Variants in RPS6KC1 observed in about 807,000 individuals in gnomAD.
RPS6KC1 encodes the protein ribosomal protein S6 kinase C1.
In RPS6KC1, 54 loss-of-function variants were observed where a neutral mutation model predicts 103.8. The observed-to-expected ratio is 0.52, with a 90% CI of 0.42 to 0.65. The LOEUF is 0.65. Among genes scored for constraint, RPS6KC1 ranks in the 30% least tolerant of loss-of-function variants. The pLI, the probability that RPS6KC1 is intolerant of heterozygous loss-of-function variation, is 0.00. For synonymous variants in RPS6KC1, 439 were observed against 438.7 expected, an observed-to-expected ratio of 1.00 and a Z score of -0.01; for missense variants, 1,151 against 1,253.8, an observed-to-expected ratio of 0.92 and a Z score of 1.24.
At chr1:213,271,100 AAT>A (rs2095037483) in intron 14 of RPS6KC1, among the ~76,000 whole-genome samples, 1 of 152,232 alleles carries the variant, frequency 6.6e-6, no homozygotes, top group African/African-American at 2.4e-5. Context: ...GAAAAATGAA[AAT>A]ATATGTCTAC....
the RPS6KC1 span, among the ~76,000 whole-genome samples, chr1:213,660,760 T>C: frequency 2.0e-5 from 3 of 152,334 alleles, no homozygotes; most frequent in South Asian, 2.1e-4. Context: ...TGCCCAAAAA[T>C]GGCAGAGTAG....
Position 213,153,409 on chromosome 1 carries a change from A to G in RPS6KC1, c.836-14449A>G, listed in dbSNP as rs115979330. Among the ~76,000 whole-genome samples, 794 of 152,256 alleles carry G rather than the reference A, an allele frequency of 5.2e-3. 5 individuals are homozygous for G. Among genetic ancestry groups the G allele is most frequent in the African/African-American group, 0.018 (749 of 41,546 alleles). Reference sequence around the variant, plus strand: ...TTGCAAATATATCTTGTAACCCATTATTTTAACTTGATAACAACTTAACAC... The same window carrying G: ...TTGCAAATATATCTTGTAACCCATTGTTTTAACTTGATAACAACTTAACAC... On this transcript the variant is annotated intron_variant, in intron 6 of 14. Coordinates refer to ENST00000366960, the MANE Select transcript of RPS6KC1 (RefSeq NM_012424.6).
chr1:213,542,918 CA>C, the RPS6KC1 span, among the ~76,000 whole-genome samples: 5 of 152,144 alleles, frequency 3.3e-5, no homozygotes, highest in Non-Finnish European at 7.3e-5. Flanking sequence ...GAGGGCCACG[CA>C]AACCAGCCCT....
At chr1:213,862,262 A>G in the RPS6KC1 span, among the ~76,000 whole-genome samples, 1 of 152,140 alleles carries the variant, frequency 6.6e-6, no homozygotes, top group African/African-American at 2.4e-5. Flanking sequence ...TCCTTTTAGG[A>G]AATCAAATTT....
At chr1:213,789,109 C>T in the RPS6KC1 span, among the ~76,000 whole-genome samples, 1 of 152,056 alleles carries the variant, frequency 6.6e-6, no homozygotes, top group African/African-American at 2.4e-5. Flanking sequence ...AAAATGATGA[C>T]CAAGAGTGGA....
chr1:213,110,107 A>G (rs1227891629), intron 4 of RPS6KC1, among the ~76,000 whole-genome samples: 1 of 152,088 alleles, frequency 6.6e-6, no homozygotes, highest in African/African-American at 2.4e-5. Flanking sequence ...TTTATGAGTC[A>G]TAGTCCTTTT....
intron 8 of RPS6KC1, among the ~76,000 whole-genome samples, chr1:213,202,112 T>C (rs563900709): frequency 1.6e-4 from 24 of 152,338 alleles, no homozygotes; most frequent in African/African-American, 5.5e-4. Flanking sequence ...ATAAACACAC[T>C]AAGTTACAGA....
At chr1:213,742,823 G>C in the RPS6KC1 span, among the ~76,000 whole-genome samples, 2 of 152,216 alleles carry the variant, frequency 1.3e-5, no homozygotes, top group African/African-American at 4.8e-5. Context: ...GAGAAATGAG[G>C]ATTCTCCATG....
chr1:213,275,415 T>C (rs2095110365), downstream of RPS6KC1, among the ~76,000 whole-genome samples: 1 of 152,236 alleles, frequency 6.6e-6, no homozygotes. Flanking sequence ...TATGGTGCAG[T>C]GCCACTCATC....
At chr1:213,654,942 C>T in the RPS6KC1 span, among the ~76,000 whole-genome samples, 17 of 152,214 alleles carry the variant, frequency 1.1e-4, no homozygotes, top group Non-Finnish European at 2.4e-4. Context: ...CACAAAAGAT[C>T]GCTTCTTGAG....
the RPS6KC1 span, among the ~76,000 whole-genome samples, chr1:213,359,633 TG>T: frequency 6.7e-6 from 1 of 150,314 alleles, no homozygotes. Context: ...CGTTAGTTGA[TG>T]CAGTTTCTTC....
chr1:213,584,195 G>A, the RPS6KC1 span, among the ~76,000 whole-genome samples: 1 of 152,174 alleles, frequency 6.6e-6, no homozygotes, highest in Non-Finnish European at 1.5e-5. Context: ...CCATGATTGT[G>A]AGGCTTCCCC....
At chr1:213,600,785 A>T in the RPS6KC1 span, among the ~76,000 whole-genome samples, 1 of 152,222 alleles carries the variant, frequency 6.6e-6, no homozygotes, top group Non-Finnish European at 1.5e-5. Context: ...TTTTGAGAAG[A>T]TTACTTTCCT....
At chr1:213,742,909 C>T in the RPS6KC1 span, among the ~76,000 whole-genome samples, 3 of 152,212 alleles carry the variant, frequency 2.0e-5, no homozygotes, top group South Asian at 4.1e-4. Context: ...TGCAGAGAAA[C>T]GGGAACACTT....
chr1:213,271,531 C>T (rs184127486), intron 14 of RPS6KC1, among the ~76,000 whole-genome samples: 4 of 151,922 alleles, frequency 2.6e-5, no homozygotes, highest in Non-Finnish European at 4.4e-5. Flanking sequence ...TTTGGGAGGC[C>T]GAGACGGGCG....
the RPS6KC1 span, among the ~76,000 whole-genome samples, chr1:213,699,578 G>A: frequency 4.6e-5 from 7 of 152,118 alleles, no homozygotes; most frequent in African/African-American, 1.4e-4. Flanking sequence ...ATACCCAGCA[G>A]TGGGATTGCT....
chr1:213,661,474 C>G, the RPS6KC1 span, among the ~76,000 whole-genome samples: 692 of 152,248 alleles, frequency 4.5e-3, 6 homozygotes, highest in Non-Finnish European at 5.0e-3. Flanking sequence ...TTTCAGTTGA[C>G]GAGCATCTTG....
At chr1:213,792,102 C>T in the RPS6KC1 span, among the ~76,000 whole-genome samples, 1 of 152,132 alleles carries the variant, frequency 6.6e-6, no homozygotes, top group Non-Finnish European at 1.5e-5. Flanking sequence ...CCTGGCCCTC[C>T]CACCCTTTCC....
the RPS6KC1 span, among the ~76,000 whole-genome samples, chr1:213,762,885 G>A: frequency 8.2e-5 from 12 of 146,850 alleles, no homozygotes; most frequent in Admixed American, 2.7e-4. Flanking sequence ...TTTTTGAGAC[G>A]GAGTCTCTCC....
Sources: gnomAD v4.1 joint callset for allele counts (sites outside exome capture counted in the v4.1 genomes callset) on GRCh38, gnomAD v4.1.1 for gene constraint, MANE v1.5 for transcripts, NCBI Gene and HGNC (gene_info 2026-07-23, HGNC 2026-07-21) for gene names.